Variants in RPS6KC1 observed in about 807,000 individuals in gnomAD.
The protein encoded by RPS6KC1 is ribosomal protein S6 kinase C1, also known as inactive ribosomal protein S6 kinase delta-1.
RPS6KC1 carries 54 observed loss-of-function variants against 103.8 expected under a neutral mutation model. The observed-to-expected ratio is 0.52, with a 90% confidence interval of 0.42 to 0.65. The LOEUF (loss-of-function observed/expected upper bound fraction) is 0.65, where lower values mean the gene tolerates loss of function less well. RPS6KC1 is among the 30% of genes least tolerant of loss of function. RPS6KC1 has a pLI of 0.00. For missense variants in RPS6KC1, 1,151 were observed against 1,253.8 expected, an observed-to-expected ratio of 0.92 and a Z score of 1.24; for synonymous variants, 439 against 438.7, an observed-to-expected ratio of 1.00 and a Z score of -0.01.
chr1:213,511,084 A>C, the RPS6KC1 span, among the ~76,000 whole-genome samples: 1 of 152,252 alleles, frequency 6.6e-6, no homozygotes, highest in African/African-American at 2.4e-5. Context: ...CTTCAAAGGA[A>C]TAATTTAGAA....
At chr1:213,225,350 A>G (rs1349877826) in intron 8 of RPS6KC1, among the ~76,000 whole-genome samples, 1 of 152,166 alleles carries the variant, frequency 6.6e-6, no homozygotes, top group Non-Finnish European at 1.5e-5. Flanking sequence ...GAAAGTAAAT[A>G]TAAACAAAGC....
chr1:213,154,115 ATC>A (rs571696927), intron 6 of RPS6KC1, among the ~76,000 whole-genome samples: 180 of 150,928 alleles, frequency 1.2e-3, no homozygotes, highest in African/African-American at 3.2e-3. Context: ...AACATATAAA[ATC>A]TCTCTCTCTG....
At chr1:213,098,649 A>G (rs2081714510) in intron 3 of RPS6KC1, among the ~76,000 whole-genome samples, 1 of 152,158 alleles carries the variant, frequency 6.6e-6, no homozygotes, top group Non-Finnish European at 1.5e-5. Context: ...TTTGCGTTTT[A>G]TATTCTTGTG....
At chr1:213,625,227 A>G in the RPS6KC1 span, among the ~76,000 whole-genome samples, 2 of 151,904 alleles carry the variant, frequency 1.3e-5, no homozygotes, top group Non-Finnish European at 2.9e-5. Context: ...AAGAAAAAAA[A>G]GCAGTTTCTT....
the RPS6KC1 span, among the ~76,000 whole-genome samples, chr1:213,308,140 C>T: frequency 6.6e-6 from 1 of 151,760 alleles, no homozygotes; most frequent in Non-Finnish European, 1.5e-5. Context: ...AGTGAAACCC[C>T]GTCTCTACTT....
At chr1:213,621,049 T>A in the RPS6KC1 span, among the ~76,000 whole-genome samples, 21 of 152,176 alleles carry the variant, frequency 1.4e-4, no homozygotes. Context: ...GTCCAGTAAG[T>A]AACCCTAGCC....
chr1:213,767,911 C>T, the RPS6KC1 span, among the ~76,000 whole-genome samples: 1 of 152,158 alleles, frequency 6.6e-6, no homozygotes, highest in Admixed American at 6.5e-5. Context: ...TAGCACACTA[C>T]TGGTCACGCC....
the RPS6KC1 span, among the ~76,000 whole-genome samples, chr1:213,504,154 A>G: frequency 6.6e-6 from 1 of 152,220 alleles, no homozygotes; most frequent in Non-Finnish European, 1.5e-5. Context: ...TTAATAATGT[A>G]TCTTTTTGAA....
intron 5 of RPS6KC1, among the ~76,000 whole-genome samples, chr1:213,122,880 C>A (rs2084556683): frequency 6.6e-6 from 1 of 151,966 alleles, no homozygotes; most frequent in Non-Finnish European, 1.5e-5. Context: ...AAGATAGCCA[C>A]AAATGAGAAT....
chr1:213,218,794 G>A (rs573597213), intron 8 of RPS6KC1, among the ~76,000 whole-genome samples: 1 of 152,168 alleles, frequency 6.6e-6, no homozygotes, highest in African/African-American at 2.4e-5. Flanking sequence ...TTAATAAATG[G>A]TGCTGGGAAA....
chr1:213,241,456 T>C lies in RPS6KC1; in HGVS notation c.1980T>C (p.Ile660=), dbSNP rs1338733991. The C allele has an allele frequency of 6.2e-7, 1 of 1,613,950 alleles. No homozygotes were observed. Among genetic ancestry groups the C allele is most frequent in the Non-Finnish European group, 8.5e-7 (1 of 1,179,938 alleles). ...TAGAGTTTAAAGCTCAGGACACCAT[T>C]AGCAGGGGCTCAGATGACTCAGTGC... The part of the protein sequence containing the change: ...SKVEFKAQDT[I]SRGSDDSVPV... The change falls in exon 11 of 15, where the codon ATT becomes ATC. Residue 660 remains isoleucine (I), a synonymous_variant. Transcript: ENST00000366960.
At chr1:213,851,995 C>T in the RPS6KC1 span, among the ~76,000 whole-genome samples, 2 of 152,148 alleles carry the variant, frequency 1.3e-5, no homozygotes, top group Admixed American at 1.3e-4. Flanking sequence ...GAATGTTTTT[C>T]TCTTTTATGC....
intron 6 of RPS6KC1, among the ~76,000 whole-genome samples, chr1:213,167,302 C>T (rs1572968801): frequency 6.6e-6 from 1 of 152,010 alleles, no homozygotes; most frequent in East Asian, 1.9e-4. Context: ...CTGTTCCAGG[C>T]AGAAATAAGA....
the RPS6KC1 span, among the ~76,000 whole-genome samples, chr1:213,669,590 T>C: frequency 6.6e-6 from 1 of 152,116 alleles, no homozygotes; most frequent in Non-Finnish European, 1.5e-5. Flanking sequence ...TGTTGAAAAA[T>C]GGCACCGATA....
the RPS6KC1 span, among the ~76,000 whole-genome samples, chr1:213,709,009 T>C: frequency 8.5e-5 from 13 of 152,164 alleles, no homozygotes; most frequent in Admixed American, 7.9e-4. Flanking sequence ...GGCCTGAAAT[T>C]TTCTTTTTTT....
intron 1 of RPS6KC1, among the ~76,000 whole-genome samples, chr1:213,064,123 C>T (rs893295603): frequency 1.3e-5 from 2 of 152,228 alleles, no homozygotes; most frequent in African/African-American, 4.8e-5. Flanking sequence ...ATGGCGTGAT[C>T]TTGGCTCTCT....
chr1:213,808,178 C>G, the RPS6KC1 span, among the ~76,000 whole-genome samples: 1 of 133,480 alleles, frequency 7.5e-6, no homozygotes, highest in Non-Finnish European at 1.5e-5. Context: ...AGGTGTCAGT[C>G]TGCCCCTACT....
At chr1:213,787,183 T>G in the RPS6KC1 span, among the ~76,000 whole-genome samples, 1 of 152,184 alleles carries the variant, frequency 6.6e-6, no homozygotes, top group African/African-American at 2.4e-5. Context: ...GCATCTTCTG[T>G]GTGTTAGGCC....
At chr1:213,220,427 A>C (rs958281849) in intron 8 of RPS6KC1, among the ~76,000 whole-genome samples, 3 of 152,112 alleles carry the variant, frequency 2.0e-5, no homozygotes, top group African/African-American at 7.2e-5. Flanking sequence ...CCCAAGTTTA[A>C]GTGATTCTTG....
Sources: allele counts gnomAD v4.1 joint callset (sites outside exome capture counted in the v4.1 genomes callset), GRCh38; gene constraint gnomAD v4.1.1; transcripts MANE v1.5; gene names NCBI Gene and HGNC (gene_info 2026-07-23, HGNC 2026-07-21).